PRELID2: variants seen among roughly 807,000 people sequenced by gnomAD.
The protein encoded by PRELID2 is PRELI domain-containing protein 2.
In PRELID2, 25 loss-of-function variants were observed where a neutral mutation model predicts 28.4. The observed-to-expected ratio is 0.88, with a 90% CI of 0.64 to 1.23. The LOEUF is 1.23. PRELID2 is among the 50% of genes most tolerant of loss of function. The pLI, the probability that PRELID2 is intolerant of heterozygous loss-of-function variation, is 0.00. For synonymous variants in PRELID2, 76 were observed against 71.6 expected, an observed-to-expected ratio of 1.06 and a Z score of -0.31; for missense variants, 201 against 214.4, an observed-to-expected ratio of 0.94 and a Z score of 0.39.
At chr5:145,629,096 T>TGG (rs1164356667) in intron 1 of PRELID2, among the ~76,000 whole-genome samples, 6 of 152,198 alleles carry the variant, frequency 3.9e-5, no homozygotes, top group African/African-American at 1.2e-4. Context: ...TCAGCCCAGC[T>TGG]TTGATAGCCT....
At chr5:145,498,515 T>C (rs113321771) in intron 1 of PRELID2, among the ~76,000 whole-genome samples, 3,134 of 151,868 alleles carry the variant, frequency 0.021, 103 homozygotes, top group African/African-American at 0.065. Context: ...TGTTTGTTTG[T>C]TTGCTTTGTT....
intron 1 of PRELID2, among the ~76,000 whole-genome samples, chr5:145,653,457 C>T (rs968138851): frequency 6.6e-6 from 1 of 152,220 alleles, no homozygotes; most frequent in Non-Finnish European, 1.5e-5. Context: ...TTCTTCTAAG[C>T]ACCACGTCGC....
At position 145,832,562 on chromosome 5, in the gene PRELID2, G is replaced by A. The variant is rs1371944954; in HGVS notation, c.75+2615C>T. Among the ~76,000 whole-genome samples the A allele has an allele frequency of 6.6e-5, 10 of 152,168 alleles. No individual in the cohort carries two copies. The East Asian group carries it at 1.9e-3, about 29-fold the overall frequency. On this transcript the variant is annotated intron_variant, in intron 1 of 6. Transcript: ENST00000683046. ...ATTATATGCAATGCAGCACAGCCGG[G>A]TGGCTAAGGCTGTGAGTTTCGGATC...
At chr5:145,608,878 A>G (rs578245367) in intron 1 of PRELID2, among the ~76,000 whole-genome samples, 70 of 152,296 alleles carry the variant, frequency 4.6e-4, no homozygotes, top group African/African-American at 1.6e-3. Context: ...AGGGACATCA[A>G]TGAGTCACAG....
In PRELID2 at chr5:145,733,379, T is replaced by A. The variant is rs139958380; in HGVS notation, n.70+31552A>T. Among the ~76,000 whole-genome samples, 869 of 152,302 alleles carry A rather than the reference T, an allele frequency of 5.7e-3. 8 individuals carry two copies. The highest frequency in any genetic ancestry group is 0.02 in the African/African-American group (825 of 41,574). On this transcript the variant is annotated intron_variant and non_coding_transcript_variant, in intron 1 of 2. Coordinates refer to the PRELID2 transcript ENST00000510259. ...GGGATGGGAATGGATGTGGGTTGGA[T>A]TAAATAATATAAAATCTGCACAATT... is the stretch of plus-strand genomic sequence containing the variant.
the PRELID2 span, among the ~76,000 whole-genome samples, chr5:145,373,367 T>A: frequency 2.8e-5 from 2 of 71,946 alleles, no homozygotes; most frequent in African/African-American, 5.2e-5. Context: ...ATATATGATA[T>A]TATATATTAC....
At chr5:145,406,472 TTTTTG>T in the PRELID2 span, among the ~76,000 whole-genome samples, 3 of 152,162 alleles carry the variant, frequency 2.0e-5, no homozygotes, top group African/African-American at 4.8e-5. Flanking sequence ...AATTAACAAG[TTTTTG>T]TTTTGTTTTG....
intron 1 of PRELID2, among the ~76,000 whole-genome samples, chr5:145,549,820 C>T (rs959982718): frequency 2.6e-5 from 4 of 151,446 alleles, no homozygotes; most frequent in Non-Finnish European, 4.4e-5. Flanking sequence ...AAAAAGAGTA[C>T]AAGTAACCAC....
the PRELID2 span, among the ~76,000 whole-genome samples, chr5:145,444,865 G>A: frequency 9.9e-5 from 15 of 151,826 alleles, no homozygotes; most frequent in Non-Finnish European, 1.5e-4. Context: ...ATCTACTTTC[G>A]GGAAGCTTAT....
chr5:145,797,313 G>T (rs1235238594), intron 4 of PRELID2, among the ~76,000 whole-genome samples: 1 of 152,010 alleles, frequency 6.6e-6, no homozygotes, highest in Non-Finnish European at 1.5e-5. Flanking sequence ...TAGGTGCAAA[G>T]CCAAGAAGAG....
At chr5:145,619,451 C>T (rs1254383609) in intron 1 of PRELID2, among the ~76,000 whole-genome samples, 1 of 152,246 alleles carries the variant, frequency 6.6e-6, no homozygotes, top group African/African-American at 2.4e-5. Flanking sequence ...AGAATCTTCT[C>T]CTGCAAACTA....
At chr5:145,331,129 G>T in the PRELID2 span, among the ~76,000 whole-genome samples, 1 of 152,116 alleles carries the variant, frequency 6.6e-6, no homozygotes, top group African/African-American at 2.4e-5. Flanking sequence ...TTGCACTGTG[G>T]TCTGAGAGAC....
chr5:145,709,052 C>T (rs2149708440), intron 1 of PRELID2, among the ~76,000 whole-genome samples: 1 of 152,368 alleles, frequency 6.6e-6, no homozygotes, highest in East Asian at 1.9e-4. Context: ...ATGGCATAAA[C>T]ATGGCTGACA....
chr5:145,404,337 C>T, the PRELID2 span, among the ~76,000 whole-genome samples: 1 of 152,204 alleles, frequency 6.6e-6, no homozygotes, highest in Non-Finnish European at 1.5e-5. Context: ...AAAAGGACAA[C>T]ACAAGCAACA....
rs570227039 is a variant in PRELID2 at position 145,810,235 on chromosome 5, CTT to C, written c.368+7657_368+7658del. On this transcript the variant is annotated intron_variant, in intron 4 of 6. Transcript: ENST00000683046. Reference sequence around the variant, plus strand: ...TTTCCTCTTTTCAGATTAAGATTCACTTTTCTTTTTTCTGATTTGGCCCAAGT... The same window carrying C: ...TTTCCTCTTTTCAGATTAAGATTCACTTCTTTTTTCTGATTTGGCCCAAGT... 2.6e-5 allele frequency among the ~76,000 whole-genome samples: 4 copies of C among 152,268 alleles called. No individual in the cohort carries two copies. The East Asian group carries it at 7.7e-4, about 29-fold the overall frequency.
the PRELID2 span, among the ~76,000 whole-genome samples, chr5:145,388,503 ATGTCT>A: frequency 6.6e-6 from 1 of 152,112 alleles, no homozygotes; most frequent in Non-Finnish European, 1.5e-5. Flanking sequence ...CACCACATTC[ATGTCT>A]TTGATGATTC....
At chr5:145,236,352 C>G in the PRELID2 span, among the ~76,000 whole-genome samples, 1 of 152,156 alleles carries the variant, frequency 6.6e-6, no homozygotes, top group African/African-American at 2.4e-5. Context: ...CCAGAGGAAG[C>G]TGAGTCATTG....
chr5:145,272,838 G>A, the PRELID2 span, among the ~76,000 whole-genome samples: 5 of 151,150 alleles, frequency 3.3e-5, no homozygotes, highest in Non-Finnish European at 7.4e-5. Flanking sequence ...TAAATTTTTC[G>A]CTTACTCGTT....
At chr5:145,795,487 A>T (rs1752675754) in intron 5 of PRELID2, 1 of 152,130 alleles carries the variant, frequency 6.6e-6, no homozygotes, top group Non-Finnish European at 1.5e-5. Flanking sequence ...ACCTCCTAGT[A>T]CAGGTTCATC....
Sources: allele counts gnomAD v4.1 joint callset (sites outside exome capture counted in the v4.1 genomes callset), GRCh38; gene constraint gnomAD v4.1.1; transcripts MANE v1.5; gene names NCBI Gene and HGNC (gene_info 2026-07-23, HGNC 2026-07-21).